Variants in RAP1GDS1 observed in about 807,000 individuals in gnomAD.
RAP1GDS1 encodes the protein RAP1, GTP-GDP dissociation stimulator 1.
RAP1GDS1 carries 35 observed loss-of-function variants against 71.1 expected under a neutral mutation model. The observed-to-expected ratio is 0.49, with a 90% CI of 0.38 to 0.65. RAP1GDS1 has a LOEUF of 0.65. Ranked by LOEUF, RAP1GDS1 falls within the 30% of genes least tolerant of loss-of-function variation. RAP1GDS1 has a pLI of 0.00. For missense variants in RAP1GDS1, 663 were observed against 706.1 expected (o/e 0.94, Z 0.69); for synonymous variants, 229 against 243.1 (o/e 0.94, Z 0.54).
At chr4:98,360,287 C>T (rs1055430294) in intron 4 of RAP1GDS1, among the ~76,000 whole-genome samples, 8 of 152,052 alleles carry the variant, frequency 5.3e-5, no homozygotes, top group African/African-American at 1.9e-4. Context: ...GAGTATTGCA[C>T]GTGGCAAAAA....
intron 4 of RAP1GDS1, among the ~76,000 whole-genome samples, chr4:98,363,281 A>G (rs1181666384): frequency 1.3e-5 from 2 of 151,882 alleles, no homozygotes; most frequent in Non-Finnish European, 2.9e-5. Context: ...TGAGGCCAGG[A>G]GTTTGAGACC....
At chr4:98,261,618 C>T (rs1178746381) in intron 1 of RAP1GDS1, 49 bp downstream of exon 1, 2 of 1,576,946 alleles carry the variant, frequency 1.3e-6, no homozygotes, top group South Asian at 2.3e-5. Flanking sequence ...TTTTCTTTCT[C>T]GGCGTGCTGC....
Position 98,391,201 on chromosome 4 carries a change from C to T in RAP1GDS1, c.509-751C>T, listed in dbSNP as rs73834466. ...TCCATGAAGAACCCTTGTGGAAATC[C>T]AAGGCATGTTTAGTACTTCAAAATC... On this transcript the variant is annotated intron_variant, in intron 5 of 14. Coordinates refer to ENST00000408927, the MANE Select transcript of RAP1GDS1 (RefSeq NM_001100427.2). 5.0e-3 allele frequency among the ~76,000 whole-genome samples: 758 copies of T among 152,076 alleles called. 7 individuals are homozygous for T. Among genetic ancestry groups the T allele is most frequent in the South Asian group, 0.018 (87 of 4,810 alleles).
At chr4:98,423,154 A>G (rs1420074588) in intron 12 of RAP1GDS1, among the ~76,000 whole-genome samples, 1 of 152,266 alleles carries the variant, frequency 6.6e-6, no homozygotes, top group Non-Finnish European at 1.5e-5. Flanking sequence ...AACAGAGGAA[A>G]GAAAGACTAA....
intron 5 of RAP1GDS1, among the ~76,000 whole-genome samples, chr4:98,384,020 C>G (rs993109682): frequency 6.6e-6 from 1 of 151,368 alleles, no homozygotes; most frequent in Admixed American, 6.6e-5. Flanking sequence ...ATTATTTTTA[C>G]CTTACTCTAA....
rs543926221 is a variant in RAP1GDS1 at position 98,370,871 on chromosome 4, G to T, written c.362-8146G>T. Among the ~76,000 whole-genome samples, 162 of 152,084 alleles carry T rather than the reference G, an allele frequency of 1.1e-3. 1 individual carries two copies. Among genetic ancestry groups the T allele is most frequent in the South Asian group, 2.1e-3 (10 of 4,818 alleles). ...CAGGTGTGAGCCATCGCGCCCAGCT[G>T]TATTGAGGCTTTTATTCTGTTTACT... On this transcript the variant is annotated intron_variant, in intron 4 of 14. Coordinates refer to ENST00000408927, the MANE Select transcript of RAP1GDS1 (RefSeq NM_001100427.2).
At chr4:98,291,320 A>C (rs1444617998) in intron 1 of RAP1GDS1, among the ~76,000 whole-genome samples, 3 of 152,184 alleles carry the variant, frequency 2.0e-5, no homozygotes, top group Admixed American at 1.3e-4. Flanking sequence ...GTTTTAAGAA[A>C]AAATTTTATT....
chr4:98,355,505 A>G (rs1428540134), intron 4 of RAP1GDS1, among the ~76,000 whole-genome samples: 1 of 152,218 alleles, frequency 6.6e-6, no homozygotes, highest in Non-Finnish European at 1.5e-5. Context: ...AGACTTCACT[A>G]TTGGATCACT....
chr4:98,293,126 A>G (rs1225541356), intron 1 of RAP1GDS1, among the ~76,000 whole-genome samples: 3 of 152,196 alleles, frequency 2.0e-5, no homozygotes, highest in South Asian at 2.1e-4. Flanking sequence ...AACAAGCTCA[A>G]TAAGTTATAA....
intron 6 of RAP1GDS1, among the ~76,000 whole-genome samples, chr4:98,403,483 C>A (rs531265270): frequency 3.7e-4 from 56 of 152,104 alleles, no homozygotes; most frequent in Admixed American, 5.9e-4. Context: ...AGTTGAGGAA[C>A]CCTGGAGGAG....
chr4:98,285,166 A>G (rs1387562220), intron 1 of RAP1GDS1, among the ~76,000 whole-genome samples: 1 of 152,196 alleles, frequency 6.6e-6, no homozygotes, highest in Non-Finnish European at 1.5e-5. Context: ...AGTGAGCAAT[A>G]GATTGCTATT....
chr4:98,365,555 C>T (rs955730404), intron 4 of RAP1GDS1, among the ~76,000 whole-genome samples: 6 of 151,714 alleles, frequency 4.0e-5, no homozygotes, highest in Admixed American at 2.6e-4. Context: ...CCTGGGAGAT[C>T]GAGGCTGCAG....
intron 3 of RAP1GDS1, among the ~76,000 whole-genome samples, chr4:98,346,673 T>C (rs569113988): frequency 6.6e-6 from 1 of 151,844 alleles, no homozygotes; most frequent in African/African-American, 2.4e-5. Context: ...GCCCCCTGAG[T>C]AGGTGGAATT....
At chr4:98,429,786 A>G (rs1319712035) in intron 12 of RAP1GDS1, among the ~76,000 whole-genome samples, 1 of 152,152 alleles carries the variant, frequency 6.6e-6, no homozygotes, top group African/African-American at 2.4e-5. Flanking sequence ...AATTGTATTA[A>G]CTAATTTACA....
chr4:98,323,745 A>G (rs1248960788), intron 2 of RAP1GDS1, among the ~76,000 whole-genome samples: 3 of 151,204 alleles, frequency 2.0e-5, no homozygotes, highest in African/African-American at 7.3e-5. Context: ...AAAACTCTCA[A>G]TAAATTAGGT....
intron 12 of RAP1GDS1, among the ~76,000 whole-genome samples, chr4:98,432,607 A>G (rs1750588383): frequency 6.6e-6 from 1 of 152,128 alleles, no homozygotes; most frequent in Non-Finnish European, 1.5e-5. Context: ...GATACTTTCT[A>G]AAAATAGTTT....
chr4:98,274,480 A>G (rs942240964), intron 1 of RAP1GDS1, among the ~76,000 whole-genome samples: 4 of 152,190 alleles, frequency 2.6e-5, no homozygotes, highest in African/African-American at 9.6e-5. Flanking sequence ...TGTTTTCCCT[A>G]TTGATGAATA....
chr4:98,319,225 A>G (rs1731409054), intron 2 of RAP1GDS1, among the ~76,000 whole-genome samples: 1 of 152,230 alleles, frequency 6.6e-6, no homozygotes, highest in Non-Finnish European at 1.5e-5. Context: ...TAAGTATTTA[A>G]TGATGAGTCA....
intron 2 of RAP1GDS1, among the ~76,000 whole-genome samples, chr4:98,305,635 A>G (rs1278007391): frequency 3.3e-5 from 5 of 152,168 alleles, no homozygotes; most frequent in Non-Finnish European, 7.4e-5. Flanking sequence ...AACAAGATGT[A>G]TAACAGTGAT....
Sources: allele counts gnomAD v4.1 joint callset (sites outside exome capture counted in the v4.1 genomes callset), GRCh38; gene constraint gnomAD v4.1.1; transcripts MANE v1.5; gene names NCBI Gene and HGNC (gene_info 2026-07-23, HGNC 2026-07-21).